The following APBA2 variants were observed in gnomAD, a reference collection of about 807,000 sequenced individuals.
APBA2 encodes amyloid beta precursor protein binding family A member 2, also known as amyloid-beta A4 precursor protein-binding family A member 2.
In APBA2, 30 loss-of-function variants were observed where a neutral mutation model predicts 75.0. The ratio of observed to expected loss-of-function variants is 0.40; its 90% CI spans 0.30 to 0.54. The LOEUF (loss-of-function observed/expected upper bound fraction) is 0.54. Ranked by LOEUF, APBA2 falls within the 20% of genes least tolerant of loss-of-function variation. APBA2 has a pLI of 0.49. For missense variants in APBA2, 801 were observed against 1,016.1 expected (o/e 0.79, Z 2.88); for synonymous variants, 444 against 409.6 (o/e 1.08, Z -1.01).
intron 4 of APBA2, chr15:29,071,118 G>A (rs1489138070): frequency 6.6e-6 from 3 of 453,662 alleles, no homozygotes; most frequent in Non-Finnish European, 1.3e-5. Context: ...GCACTAGTTT[G>A]GTGTTGTTTC....
chr15:28,901,405 C>T (rs1225120921), intron 1 of APBA2, among the ~76,000 whole-genome samples: 1 of 151,996 alleles, frequency 6.6e-6, no homozygotes, highest in East Asian at 1.9e-4. Flanking sequence ...CAGGCTCTCT[C>T]TATGGTCTCC....
chr15:29,022,004 G>GT (rs1412408371), intron 3 of APBA2, among the ~76,000 whole-genome samples: 1 of 152,174 alleles, frequency 6.6e-6, no homozygotes, highest in Non-Finnish European at 1.5e-5. Context: ...ACACTCCATT[G>GT]TAAGTGTATA....
chr15:29,019,400 G>T (rs1050230546), intron 3 of APBA2, among the ~76,000 whole-genome samples: 10 of 152,198 alleles, frequency 6.6e-5, no homozygotes, highest in South Asian at 2.1e-4. Flanking sequence ...TGCAACACAG[G>T]AGTGCATTCG....
intron 3 of APBA2, among the ~76,000 whole-genome samples, chr15:29,053,334 A>AG (rs1361991631): frequency 6.6e-6 from 1 of 152,020 alleles, no homozygotes; most frequent in Non-Finnish European, 1.5e-5. Flanking sequence ...GTTCAGTTTG[A>AG]GGGGGAAGAG....
chr15:28,917,354 C>T (rs2033731896), intron 1 of APBA2, among the ~76,000 whole-genome samples: 2 of 152,176 alleles, frequency 1.3e-5, no homozygotes, highest in Admixed American at 6.5e-5. Flanking sequence ...CTGCTCCCCT[C>T]CAGGGCTCCT....
At chr15:29,000,831 A>G (rs920182800) in intron 3 of APBA2, among the ~76,000 whole-genome samples, 2 of 152,122 alleles carry the variant, frequency 1.3e-5, no homozygotes, top group Non-Finnish European at 2.9e-5. Flanking sequence ...CTTGGCCCCT[A>G]GAATGCTAGG....
chr15:29,074,613 G>T (rs903787440), intron 4 of APBA2, among the ~76,000 whole-genome samples: 3 of 152,158 alleles, frequency 2.0e-5, no homozygotes, highest in Non-Finnish European at 4.4e-5. Context: ...CAGTGTGAAT[G>T]TACTTAGTGC....
rs556936811 is a variant in APBA2 at position 28,995,804 on chromosome 15, T to A, written c.-43T>A. The A allele has an allele frequency of 6.6e-6, 1 of 152,348 alleles. No individual in the cohort carries two copies. The highest frequency in any genetic ancestry group is 6.5e-5 in the Admixed American group (1 of 15,300). The allele number at this position is 152,348 out of a possible 1,614,324, so 9.4% of individuals were successfully genotyped here. The stretch of plus-strand genomic sequence containing the variant: ...CGGGACATTACCAAACCACTCATTT[T>A]AGGTAAGAAATACAAGGCAGCGTTG... On this transcript the variant is annotated splice_region_variant and 5_prime_UTR_variant, in exon 3 of 15. Coordinates refer to ENST00000683413, the MANE Select transcript of APBA2 (RefSeq NM_001353788.2).
intron 6 of APBA2, 111 bp downstream of exon 6, chr15:29,076,202 AC>A (rs2042843769): frequency 8.5e-7 from 1 of 1,172,212 alleles, no homozygotes; most frequent in Non-Finnish European, 1.3e-6. Context: ...AAGCGTGCCT[AC>A]CTACCAGCAA....
chr15:28,992,066 T>C (rs1438125346), intron 2 of APBA2, among the ~76,000 whole-genome samples: 1 of 152,154 alleles, frequency 6.6e-6, no homozygotes, highest in Non-Finnish European at 1.5e-5. Context: ...GCTAAGAAAA[T>C]GCTTAGGGAG....
At chr15:28,959,015 A>T (rs1315066745) in intron 2 of APBA2, among the ~76,000 whole-genome samples, 1 of 151,886 alleles carries the variant, frequency 6.6e-6, no homozygotes, top group East Asian at 1.9e-4. Flanking sequence ...TTTGATACAG[A>T]ATCTCCCTCT....
intron 2 of APBA2, among the ~76,000 whole-genome samples, chr15:28,926,324 T>C (rs957463791): frequency 1.3e-5 from 2 of 152,214 alleles, no homozygotes; most frequent in African/African-American, 4.8e-5. Flanking sequence ...CACTCATACT[T>C]CTTTTTAAAA....
At chr15:29,063,940 G>C (rs1361523458) in intron 4 of APBA2, among the ~76,000 whole-genome samples, 1 of 152,078 alleles carries the variant, frequency 6.6e-6, no homozygotes, top group South Asian at 2.1e-4. Context: ...GCTGCTGGGG[G>C]TGAGGTCGGG....
chr15:28,959,867 G>A (rs896198563), intron 2 of APBA2, among the ~76,000 whole-genome samples: 4 of 152,200 alleles, frequency 2.6e-5, no homozygotes, highest in Admixed American at 2.0e-4. Flanking sequence ...TTTGAGGCTG[G>A]GTGTGGGAGC....
intron 2 of APBA2, among the ~76,000 whole-genome samples, chr15:28,966,639 C>G (rs1014982407): frequency 6.6e-6 from 1 of 152,062 alleles, no homozygotes; most frequent in Non-Finnish European, 1.5e-5. Context: ...CTGCCAATGT[C>G]TGTTATTTGA....
intron 2 of APBA2, among the ~76,000 whole-genome samples, chr15:28,993,696 C>T (rs973209262): frequency 2.6e-5 from 4 of 152,192 alleles, no homozygotes; most frequent in African/African-American, 9.7e-5. Context: ...AGTGTGAAGC[C>T]TGTGGGGCTT....
At chr15:28,903,575 C>A (rs914812052) in intron 1 of APBA2, among the ~76,000 whole-genome samples, 1 of 152,308 alleles carries the variant, frequency 6.6e-6, no homozygotes, top group Admixed American at 6.5e-5. Context: ...CCAGGGAGGG[C>A]AGAGCTGCAG....
intron 13 of APBA2, among the ~76,000 whole-genome samples, chr15:29,110,186 A>G (rs1347458688): frequency 6.6e-6 from 1 of 152,194 alleles, no homozygotes; most frequent in Non-Finnish European, 1.5e-5. Flanking sequence ...ACCCCCGACC[A>G]TCACCAGGCC....
At chr15:28,953,179 A>G (rs940696858) in intron 2 of APBA2, among the ~76,000 whole-genome samples, 2 of 152,004 alleles carry the variant, frequency 1.3e-5, no homozygotes, top group Non-Finnish European at 2.9e-5. Flanking sequence ...ATCACTCCCT[A>G]CCAGCGTTTG....
Sources: allele counts gnomAD v4.1 joint callset (sites outside exome capture counted in the v4.1 genomes callset), GRCh38; gene constraint gnomAD v4.1.1; transcripts MANE v1.5; gene names NCBI Gene and HGNC (gene_info 2026-07-23, HGNC 2026-07-21).